Variants in PATJ observed in about 807,000 individuals in gnomAD.
PATJ encodes the protein inaD-like protein.
PATJ carries 190 observed loss-of-function variants against 224.9 expected under a neutral mutation model. The ratio of observed to expected loss-of-function variants is 0.84; its 90% CI spans 0.75 to 0.95. The LOEUF (loss-of-function observed/expected upper bound fraction) is 0.95. PATJ is among the 40% of genes least tolerant of loss of function. The pLI, the probability that PATJ is intolerant of heterozygous loss-of-function variation, is 0.00. For missense variants in PATJ, 2,121 were observed against 2,270.3 expected (o/e 0.93, Z 1.34); for synonymous variants, 769 against 820.3 (o/e 0.94, Z 1.07).
intron 25 of PATJ, among the ~76,000 whole-genome samples, chr1:61,910,332 A>G (rs1235748522): frequency 6.6e-6 from 1 of 152,130 alleles, no homozygotes; most frequent in Non-Finnish European, 1.5e-5. Context: ...CAATTATTCA[A>G]ACAAAGAAAA....
intron 28 of PATJ, among the ~76,000 whole-genome samples, chr1:61,999,647 G>A (rs1198124549): frequency 1.3e-5 from 2 of 152,018 alleles, no homozygotes; most frequent in Admixed American, 6.6e-5. Flanking sequence ...CAGCCTGGGT[G>A]ACAGAGTGAG....
chr1:62,118,729 A>T (rs1303477800), intron 37 of PATJ, among the ~76,000 whole-genome samples: 1 of 152,138 alleles, frequency 6.6e-6, no homozygotes, highest in Non-Finnish European at 1.5e-5. Context: ...TCCCGGGTTC[A>T]AGTGAGTCTC....
At chr1:62,160,281 T>C (rs1466776989) in intron 43 of PATJ, among the ~76,000 whole-genome samples, 2 of 152,138 alleles carry the variant, frequency 1.3e-5, no homozygotes, top group East Asian at 3.8e-4. Flanking sequence ...ACTGAGTATA[T>C]AATAAAAGTA....
rs370676403 is a variant in PATJ, at chr1:61,978,296, G to A, written c.3671-11872G>A. Among the ~76,000 whole-genome samples, 113 of 124,506 alleles carry A rather than the reference G, an allele frequency of 9.1e-4. 1 individual carries two copies. Among genetic ancestry groups the A allele is most frequent in the African/African-American group, 3.1e-3 (104 of 33,566 alleles). 81.7% of individuals were successfully genotyped at this position (124,506 alleles called of 152,430 possible). On this transcript the variant is annotated intron_variant, in intron 27 of 43. Coordinates refer to ENST00000642238, the MANE Select transcript of PATJ (RefSeq NM_001350145.3). ...TTTCTTTTTTTTGACAGAGTTTTTC[G>A]CTCTTGTTGCCTAGGCTGGAGTGCA...
intron 41 of PATJ, among the ~76,000 whole-genome samples, chr1:62,138,143 A>G (rs887441683): frequency 2.0e-5 from 3 of 152,186 alleles, no homozygotes; most frequent in Non-Finnish European, 2.9e-5. Flanking sequence ...TTAAATGCCT[A>G]GTGAGACTTT....
chr1:62,110,429 GC>G (rs1306782364), intron 34 of PATJ, among the ~76,000 whole-genome samples: 3 of 152,094 alleles, frequency 2.0e-5, no homozygotes, highest in African/African-American at 7.2e-5. Context: ...CCCAAACAAT[GC>G]CCTTTGCACT....
Position 61,990,309 on chromosome 1 carries a change from C to T in PATJ, c.3812C>T (p.Pro1271Leu), listed in dbSNP as rs779346628. The T allele has an allele frequency of 9.9e-6, 16 of 1,613,586 alleles. No homozygotes were observed. The highest frequency in any genetic ancestry group is 2.2e-5 in the East Asian group (1 of 44,894). Reference protein sequence around the residue: ...RMSIFVVGINPEGPAAADGRM... With the variant: ...RMSIFVVGINLEGPAAADGRM... ...AGCATATTTGTGGTGGGAATTAACC[C>T]GGAAGGACCTGCTGCCGCAGATGGA... Residue 1271 changes from proline to leucine, a missense_variant, in exon 28 of 44, where the codon CCG becomes CTG. Physicochemically the swap from Pro to Leu is moderately conservative, Grantham distance 98. Coordinates refer to ENST00000642238, the MANE Select transcript of PATJ (RefSeq NM_001350145.3).
At chr1:62,020,111 A>C (rs1646994317) in intron 29 of PATJ, among the ~76,000 whole-genome samples, 1 of 152,124 alleles carries the variant, frequency 6.6e-6, no homozygotes, top group Non-Finnish European at 1.5e-5. Flanking sequence ...TTGAGGCTGC[A>C]GTGAGCCATG....
intron 6 of PATJ, among the ~76,000 whole-genome samples, chr1:61,773,157 A>G (rs1039063652): frequency 2.0e-5 from 3 of 151,772 alleles, no homozygotes; most frequent in Non-Finnish European, 4.4e-5. Flanking sequence ...AGTAGCTGGG[A>G]TTTACAGGCA....
intron 17 of PATJ, 145 bp downstream of exon 17, chr1:61,833,930 C>A: frequency 1.6e-6 from 1 of 631,676 alleles, no homozygotes; most frequent in East Asian, 3.0e-5. Flanking sequence ...CAATTGTTAC[C>A]TTTAAAATTA....
rs1222889171 is a variant in PATJ, at chr1:61,939,654, A to G, written c.3670+11825A>G. Among the ~76,000 whole-genome samples the G allele has an allele frequency of 1.5e-5, 2 of 134,286 alleles. 1 individual carries two copies. The highest frequency in any genetic ancestry group is 7.9e-3 in the Middle Eastern group (2 of 254). 88.1% of individuals were successfully genotyped at this position (134,286 alleles called of 152,430 possible). A position where few individuals can be genotyped will look rare whatever the true frequency, so the allele number is the denominator to read the frequency against. ...TCTTTTTGAGCACCCGTTTGGCAGC[A>G]TGTATAAAAAGTTTCTATGTGCTTT... is the stretch of plus-strand genomic sequence containing the variant. On this transcript the variant is annotated intron_variant, in intron 27 of 43. Coordinates refer to ENST00000642238, the MANE Select transcript of PATJ (RefSeq NM_001350145.3).
intron 27 of PATJ, among the ~76,000 whole-genome samples, chr1:61,961,678 T>C (rs978387045): frequency 5.3e-5 from 8 of 151,996 alleles, no homozygotes; most frequent in Non-Finnish European, 8.8e-5. Context: ...AAAAGAAATA[T>C]GAATACAGGG....
At chr1:62,157,687 C>T (rs565711080) in intron 43 of PATJ, among the ~76,000 whole-genome samples, 27 of 147,240 alleles carry the variant, frequency 1.8e-4, no homozygotes, top group African/African-American at 5.6e-4. Context: ...AAAAATTAGC[C>T]GGGCATGGTG....
chr1:61,809,096 G>A (rs531710128), intron 14 of PATJ, among the ~76,000 whole-genome samples: 4 of 152,266 alleles, frequency 2.6e-5, no homozygotes, highest in African/African-American at 7.2e-5. Context: ...AACTTAAAAC[G>A]TTTTTGGTAA....
At chr1:61,815,942 G>A (rs538977765) in intron 14 of PATJ, among the ~76,000 whole-genome samples, 6 of 152,276 alleles carry the variant, frequency 3.9e-5, no homozygotes, top group African/African-American at 1.4e-4. Flanking sequence ...GCTCTATGAG[G>A]GAGAAGCATT....
At chr1:62,016,412 C>T (rs534018960) in intron 28 of PATJ, among the ~76,000 whole-genome samples, 10 of 152,280 alleles carry the variant, frequency 6.6e-5, no homozygotes, top group African/African-American at 2.4e-4. Context: ...ATTGCAATTC[C>T]TTTTACTGTC....
At chr1:62,115,475 T>A (rs553713678) in intron 35 of PATJ, among the ~76,000 whole-genome samples, 43 of 151,856 alleles carry the variant, frequency 2.8e-4, no homozygotes, top group African/African-American at 1.0e-3. Flanking sequence ...TAAAAAAATT[T>A]TTTAAATAAA....
At chr1:61,953,508 C>T (rs1680016548) in intron 27 of PATJ, among the ~76,000 whole-genome samples, 1 of 152,152 alleles carries the variant, frequency 6.6e-6, no homozygotes, top group Admixed American at 6.5e-5. Context: ...GTATTCAATT[C>T]TGTTATTTTG....
At chr1:61,999,583 G>A (rs549531034) in intron 28 of PATJ, among the ~76,000 whole-genome samples, 73 of 152,070 alleles carry the variant, frequency 4.8e-4, no homozygotes, top group South Asian at 4.8e-3. Flanking sequence ...CACAAGAATC[G>A]TTTGAACCTA....
Sources: gnomAD v4.1 joint callset for allele counts (sites outside exome capture counted in the v4.1 genomes callset) on GRCh38, gnomAD v4.1.1 for gene constraint, MANE v1.5 for transcripts, NCBI Gene and HGNC (gene_info 2026-07-23, HGNC 2026-07-21) for gene names.